Variants in AGMAT observed in about 807,000 individuals in gnomAD.
AGMAT encodes guanidino acid hydrolase, mitochondrial.
In AGMAT, 37 loss-of-function variants were observed where a neutral mutation model predicts 29.3. The observed-to-expected ratio is 1.26, with a 90% confidence interval of 0.97 to 1.66. The LOEUF is 1.66. AGMAT is among the 40% of genes most tolerant of loss of function. The probability of loss-of-function intolerance (pLI) is 0.00; values close to 1 mark genes in which losing one functional copy is unlikely to be tolerated. For synonymous variants in AGMAT, 199 were observed against 200.8 expected, an observed-to-expected ratio of 0.99 and a Z score of 0.08; for missense variants, 498 against 497.8, an observed-to-expected ratio of 1.00 and a Z score of 0.00.
Position 15,584,923 on chromosome 1 carries a change from G to T in AGMAT, c.45C>A (p.Pro15=), listed in dbSNP as rs140564717. The T allele has an allele frequency of 7.3e-7, 1 of 1,370,008 alleles. No individual in the cohort carries two copies. The highest frequency in any genetic ancestry group is 9.3e-7 in the Non-Finnish European group (1 of 1,070,148). The allele number at this position is 1,370,008 out of a possible 1,614,324, so 84.9% of individuals were successfully genotyped here. The stretch of plus-strand genomic sequence containing the variant: ...CTGCGGCAGGACGCGCGCCCACGCC[G>T]GGCCCCGGGCCCCGGGCGCACCCGG... ...LASGCARGPG[P]GVGARPAAGL... is the part of the protein sequence containing the mutation. The change falls in exon 1 of 7, where the codon CCC becomes CCA. Residue 15 remains proline, a synonymous_variant. Transcript: ENST00000375826.
Position 15,573,627 on chromosome 1 carries a change from G to A in AGMAT, c.*24C>T, listed in dbSNP as rs1351144337. On this transcript the variant is annotated 3_prime_UTR_variant, in exon 7 of 7. Transcript: ENST00000375826. Reference sequence around the variant, plus strand: ...TGAGAACTTGTCAGCGACGCAATCTGTTTTGTCTTGAAGAGCACAAGACTC... The same window carrying A: ...TGAGAACTTGTCAGCGACGCAATCTATTTTGTCTTGAAGAGCACAAGACTC... 2 of 1,610,656 alleles carry A rather than the reference G, an allele frequency of 1.2e-6. No individual in the cohort carries two copies. Among genetic ancestry groups the A allele is most frequent in the East Asian group, 4.5e-5 (2 of 44,868 alleles).
intron 2 of AGMAT, among the ~76,000 whole-genome samples, chr1:15,581,827 C>A (rs976673556): frequency 2.1e-5 from 3 of 146,116 alleles, no homozygotes; most frequent in Non-Finnish European, 3.0e-5. Context: ...GTGAGCCAAG[C>A]GGGACAACAA....
chr1:15,578,879 A>C lies in AGMAT; in HGVS notation c.700T>G (p.Tyr234Asp). ...GTCACCTGGCTCCGGTTGTATCTGT[A>C]GGGATCCAAGGTCGTGGAAGAGCCC... The part of the protein sequence containing the change: ...IRGSSTTLDP[Y>D]RYNRSQGFRV... The change falls in exon 4 of 7, where the codon TAC becomes GAC. Residue 234 changes from tyrosine (Y) to aspartate (D), a missense_variant. By Grantham distance (160) the Tyr-to-Asp change is radical (BLOSUM62 -3). Coordinates refer to ENST00000375826, the MANE Select transcript of AGMAT (RefSeq NM_024758.5). 6.2e-7 allele frequency: 1 copy of C among 1,614,122 alleles called. No individual in the cohort carries two copies. Among genetic ancestry groups the C allele is most frequent in the Non-Finnish European group, 8.5e-7 (1 of 1,180,002 alleles).
rs547985683 is a variant in AGMAT, at chr1:15,575,106, A to G, written c.901-265T>C. 2.6e-4 allele frequency: 86 copies of G among 334,306 alleles called. 1 individual carries two copies. In the South Asian group the frequency reaches 2.8e-3, roughly 11 times the overall value. The allele number at this position is 334,306 out of a possible 1,614,324, so 20.7% of individuals were successfully genotyped here. ...TGTCATGCACCAAGGGCTTCAAGGA[A>G]AGCAAGCCCAGAATGGTATCAGCAT... On this transcript the variant is annotated intron_variant, in intron 5 of 6. Coordinates refer to ENST00000375826, the MANE Select transcript of AGMAT (RefSeq NM_024758.5).
At position 15,572,760 on chromosome 1, in the gene AGMAT, AC is replaced by A. The variant is rs1277503565; in HGVS notation, c.*890del. 1 of 150,542 alleles carries A rather than the reference AC, an allele frequency of 6.6e-6. No homozygotes were observed. The highest frequency in any genetic ancestry group is 1.5e-5 in the Non-Finnish European group (1 of 67,806). 9.3% of individuals were successfully genotyped at this position (150,542 alleles called of 1,614,324 possible). A position where few individuals can be genotyped will look rare whatever the true frequency, so the allele number is the denominator to read the frequency against. ...CCGTGTTACTTTATACTTTTTACTT[AC>A]GTTCACAGTGGTCCTAAAACCAAGA... On this transcript the variant is annotated 3_prime_UTR_variant, in exon 7 of 7. Transcript: ENST00000375826.
At chr1:15,576,731 T>C (rs1211538570) in intron 5 of AGMAT, among the ~76,000 whole-genome samples, 1 of 134,766 alleles carries the variant, frequency 7.4e-6, no homozygotes, top group Non-Finnish European at 1.6e-5. Context: ...CCTGGCCAAG[T>C]TTAGTGTTCT....
chr1:15,583,483 G>A, intron 1 of AGMAT, 88 bp from the exon 2 acceptor site: 2 of 1,258,800 alleles, frequency 1.6e-6, no homozygotes, highest in Admixed American at 2.1e-5. Flanking sequence ...TCAGCAATTT[G>A]GGGCCAGATG....
At chr1:15,584,208 T>C (rs1639152112) in intron 1 of AGMAT, among the ~76,000 whole-genome samples, 1 of 152,212 alleles carries the variant, frequency 6.6e-6, no homozygotes, top group African/African-American at 2.4e-5. Context: ...AGTGGCGCAA[T>C]CTCAGCTCAC....
intron 5 of AGMAT, among the ~76,000 whole-genome samples, chr1:15,577,039 C>T (rs1355586023): frequency 2.0e-5 from 3 of 151,638 alleles, no homozygotes; most frequent in Non-Finnish European, 2.9e-5. Flanking sequence ...CGTGAGCCAC[C>T]GTGCCCGGCC....
At chr1:15,574,592 G>C (rs969481949) in intron 6 of AGMAT, among the ~76,000 whole-genome samples, 165 bp downstream of exon 6, 3 of 151,940 alleles carry the variant, frequency 2.0e-5, no homozygotes, top group Admixed American at 1.3e-4. Flanking sequence ...TGGCCAAATT[G>C]GTCTTGAACT....
rs1007693688 is a variant in AGMAT, at chr1:15,584,765, G to T, written c.203C>A (p.Pro68His). 41 of 1,365,928 alleles carry T rather than the reference G, an allele frequency of 3.0e-5. No individual in the cohort carries two copies. Among genetic ancestry groups the T allele is most frequent in the Non-Finnish European group, 3.7e-5 (39 of 1,055,754 alleles). The allele number at this position is 1,365,928 out of a possible 1,614,324, so 84.6% of individuals were successfully genotyped here. Reference sequence around the variant, plus strand: ...GATGAAGGCAGCGTCCAGCCCCTCGGGGGAGGTCTGCACCGGCAGGCGCAT... The same window carrying T: ...GATGAAGGCAGCGTCCAGCCCCTCGTGGGAGGTCTGCACCGGCAGGCGCAT... ...SMMRLPVQTS[P>H]EGLDAAFIGV... is the part of the protein sequence containing the mutation. The change falls in exon 1 of 7, where the codon CCC becomes CAC. Residue 68 changes from proline to histidine, a missense_variant. Pro to His is a moderately conservative substitution (Grantham distance 77). Coordinates refer to ENST00000375826, the MANE Select transcript of AGMAT (RefSeq NM_024758.5).
intron 1 of AGMAT, among the ~76,000 whole-genome samples, chr1:15,584,444 C>G (rs1481918887): frequency 2.6e-5 from 4 of 152,162 alleles, no homozygotes; most frequent in Non-Finnish European, 4.4e-5. Flanking sequence ...GCCACCGGGC[C>G]GGCCAAAATC....
chr1:15,578,960 G>T lies in AGMAT; in HGVS notation c.619C>A (p.Arg207=). The change falls in exon 4 of 7, where the codon CGG becomes AGG. Residue 207 remains arginine (R), a synonymous_variant. Coordinates refer to ENST00000375826, the MANE Select transcript of AGMAT (RefSeq NM_024758.5). ...EKLYHGAPFR[R]CVDEGLLDCK... Reference sequence around the variant, plus strand: ...TCCAGGAGACCCTCATCCACACACCGGCGGAAGGGCGCCCCGTGGTAGAGC... The same window carrying T: ...TCCAGGAGACCCTCATCCACACACCTGCGGAAGGGCGCCCCGTGGTAGAGC... 1 of 1,614,098 alleles carries T rather than the reference G, an allele frequency of 6.2e-7. No homozygotes were observed.
chr1:15,579,073 C>T lies in AGMAT; in HGVS notation c.525-19G>A. 2 of 1,609,772 alleles carry T rather than the reference C, an allele frequency of 1.2e-6. No individual in the cohort carries two copies. The highest frequency in any genetic ancestry group is 1.7e-6 in the Non-Finnish European group (2 of 1,177,380). Reference sequence around the variant, plus strand: ...GCCATGCCTGATGACAACAGGGCAGCTCAGAGGCCAACCCTCCCTGTGGGG... The same window carrying T: ...GCCATGCCTGATGACAACAGGGCAGTTCAGAGGCCAACCCTCCCTGTGGGG... On this transcript the variant is annotated intron_variant, in intron 3 of 6. Coordinates refer to ENST00000375826, the MANE Select transcript of AGMAT (RefSeq NM_024758.5).
At position 15,572,295 on chromosome 1, in the gene AGMAT, A is replaced by G. The variant is rs1402276180; in HGVS notation, c.*1356T>C. 1.4e-5 allele frequency: 2 copies of G among 147,488 alleles called. No individual in the cohort carries two copies. Among genetic ancestry groups the G allele is most frequent in the Admixed American group, 6.8e-5 (1 of 14,716 alleles). 9.1% of individuals were successfully genotyped at this position (147,488 alleles called of 1,614,324 possible). A position where few individuals can be genotyped will look rare whatever the true frequency, so the allele number is the denominator to read the frequency against. The stretch of plus-strand genomic sequence containing the variant: ...AGGCTGGTCTTGAACTCCTGACCTC[A>G]GGTGATCCTCCCGCCTAGGCCTGGG... On this transcript the variant is annotated 3_prime_UTR_variant, in exon 7 of 7. Transcript: ENST00000375826.
intron 3 of AGMAT, among the ~76,000 whole-genome samples, chr1:15,579,565 C>T (rs949915242): frequency 1.3e-5 from 2 of 152,226 alleles, no homozygotes; most frequent in Non-Finnish European, 2.9e-5. Context: ...CTTCCACAGA[C>T]ACATTCTGGA....
chr1:15,581,438 T>C (rs573454518), intron 2 of AGMAT, among the ~76,000 whole-genome samples: 42 of 152,336 alleles, frequency 2.8e-4, no homozygotes, highest in Non-Finnish European at 4.6e-4. Flanking sequence ...ATGCCTAGAA[T>C]AGCTCTGTTC....
chr1:15,574,560 G>C (rs1444750971), intron 6 of AGMAT, among the ~76,000 whole-genome samples, 197 bp downstream of exon 6: 1 of 151,906 alleles, frequency 6.6e-6, no homozygotes, highest in Non-Finnish European at 1.5e-5. Context: ...TATATCTTTA[G>C]AGAGATGGGG....
At chr1:15,577,193 C>T (rs1639052467) in intron 5 of AGMAT, among the ~76,000 whole-genome samples, 1 of 152,124 alleles carries the variant, frequency 6.6e-6, no homozygotes, top group African/African-American at 2.4e-5. Context: ...AAGGCCCTTG[C>T]CAAAATCAAT....
Sources: allele counts gnomAD v4.1 joint callset (sites outside exome capture counted in the v4.1 genomes callset), GRCh38; gene constraint gnomAD v4.1.1; transcripts MANE v1.5; gene names NCBI Gene and HGNC (gene_info 2026-07-23, HGNC 2026-07-21).